The following SAA2 variants were observed in gnomAD, a reference collection of about 807,000 sequenced individuals.
SAA2 encodes the protein serum amyloid A2, also known as serum amyloid A-2 protein.
A neutral mutation model predicts 9.1 loss-of-function variants in SAA2; 5 were observed. That is an observed-to-expected ratio of 0.55 (90% CI 0.29 to 1.16). SAA2 has a LOEUF of 1.16. SAA2 is among the 50% of genes most tolerant of loss of function. SAA2 has a pLI of 0.09. For synonymous variants in SAA2, 49 were observed against 59.8 expected, an observed-to-expected ratio of 0.82 and a Z score of 0.83; for missense variants, 94 against 153.8, an observed-to-expected ratio of 0.61 and a Z score of 2.06.
downstream of SAA2, chr11:18,242,207 G>T (rs751931967): frequency 6.6e-6 from 1 of 152,166 alleles, no homozygotes; most frequent in Admixed American, 6.5e-5. Context: ...GAAGTCCCAC[G>T]ATCTGCCCTC....
At chr11:18,242,639 A>C (rs1027263589), downstream of SAA2, 4 of 593,928 alleles carry the variant, frequency 6.7e-6, no homozygotes, top group Non-Finnish European at 1.2e-5. Context: ...TGAGCCCAGG[A>C]GTTCAAGACC....
intron 3 of SAA2, 36 bp from the exon 4 acceptor site, chr11:18,245,551 C>G (rs1440678934): frequency 1.2e-6 from 2 of 1,611,922 alleles, no homozygotes; most frequent in South Asian, 2.2e-5. Flanking sequence ...GATTAATCAT[C>G]AGGCCAGTGA....
exon 4 of SAA2, chr11:18,239,934 T>C: frequency 6.5e-7 from 1 of 1,549,932 alleles, no homozygotes. Flanking sequence ...AAAAAAGGCT[T>C]CTTCCTTCAC....
In SAA2 at chr11:18,245,648, C is replaced by T. The variant is rs556303277; in HGVS notation, c.231-133G>A. 96 of 1,390,860 alleles carry T rather than the reference C, an allele frequency of 6.9e-5. No individual in the cohort carries two copies. The South Asian group carries it at 1.1e-3, about 16-fold the overall frequency. 86.2% of individuals were successfully genotyped at this position (1,390,860 alleles called of 1,614,324 possible). A position where few individuals can be genotyped will look rare whatever the true frequency, so the allele number is the denominator to read the frequency against. ...GGCCAAGGAAGGAGGAGTGAAAACA[C>T]TGACCCTGCCTGGGCACTGCCCCAT... On this transcript the variant is annotated intron_variant, in intron 3 of 3. Transcript: ENST00000256733.
chr11:18,242,865 A>G (rs757500058), downstream of SAA2: 4 of 699,522 alleles, frequency 5.7e-6, no homozygotes, highest in South Asian at 6.0e-5. Flanking sequence ...AAACAAAACA[A>G]AACACAACTA....
downstream of SAA2, chr11:18,245,141 G>A: frequency 1.2e-6 from 1 of 853,790 alleles, no homozygotes; most frequent in Admixed American, 3.0e-5. Flanking sequence ...CAAACACATA[G>A]GCCTACCTAG....
chr11:18,243,208 G>C (rs1171669481), downstream of SAA2, among the ~76,000 whole-genome samples: 3 of 151,930 alleles, frequency 2.0e-5, no homozygotes, highest in African/African-American at 7.3e-5. Context: ...ATGAATTTCT[G>C]TATCCAAATG....
chr11:18,240,654 CT>C (rs1857321697), downstream of SAA2, among the ~76,000 whole-genome samples: 1 of 151,954 alleles, frequency 6.6e-6, no homozygotes, highest in Admixed American at 6.6e-5. Context: ...ATAAACGGTG[CT>C]GATAAAAGTG....
At chr11:18,238,596 G>A (rs1045501166), downstream of SAA2, among the ~76,000 whole-genome samples, 12 of 151,988 alleles carry the variant, frequency 7.9e-5, no homozygotes, top group Admixed American at 1.3e-4. Flanking sequence ...CATGCAATGC[G>A]CAATAATCAC....
chr11:18,247,116 C>T (rs1054573753), intron 2 of SAA2, among the ~76,000 whole-genome samples: 37 of 152,396 alleles, frequency 2.4e-4, no homozygotes, highest in African/African-American at 7.9e-4. Flanking sequence ...AGCTTTCTCA[C>T]CTTCACAGAA....
At position 18,245,465 on chromosome 11, in the gene SAA2, G is replaced by A. The variant is rs149402852; in HGVS notation, c.281C>T (p.Ser94Leu). 7 of 1,614,080 alleles carry A rather than the reference G, an allele frequency of 4.3e-6. No homozygotes were observed. The highest frequency in any genetic ancestry group is 1.6e-4 in the Middle Eastern group (1 of 6,082). The stretch of plus-strand genomic sequence containing the variant: ...TTTATTGGCAGCCTGATCGGCCAGC[G>A]AGTCCTCCGCACCACGGCCTGTGAG... ...QRLTGRGAEDSLADQAANKWG... is the reference protein window; with the variant it reads ...QRLTGRGAEDLLADQAANKWG... The change falls in exon 4 of 4, where the codon TCG becomes TTG. Residue 94 changes from serine (S) to leucine (L), a missense_variant. Ser to Leu is a moderately radical substitution (Grantham distance 145). Around this residue, in one of 2 missense-constraint regions of SAA2, gnomAD observed 62 missense variants for 58.3 expected, o/e 1.06. Coordinates refer to ENST00000256733, the MANE Select transcript of SAA2 (RefSeq NM_030754.5).
downstream of SAA2, chr11:18,242,406 A>C (rs1250755717): frequency 5.4e-6 from 1 of 186,514 alleles, no homozygotes; most frequent in Non-Finnish European, 1.1e-5. Context: ...TCAAGCCTTC[A>C]ACAGATTGGG....
chr11:18,239,538 T>C (rs2134131724), exon 4 of SAA2: 1 of 397,798 alleles, frequency 2.5e-6, no homozygotes, highest in Non-Finnish European at 4.4e-6. Context: ...CCAGACCTTC[T>C]CCTGCAACCA....
chr11:18,243,819 G>A (rs980558362), downstream of SAA2, among the ~76,000 whole-genome samples: 1 of 152,136 alleles, frequency 6.6e-6, no homozygotes, highest in Non-Finnish European at 1.5e-5. Flanking sequence ...AAAGGGGTAT[G>A]CCAGTTATCA....
chr11:18,241,611 T>C (rs962309786), downstream of SAA2, among the ~76,000 whole-genome samples: 3 of 152,144 alleles, frequency 2.0e-5, no homozygotes, highest in African/African-American at 7.2e-5. Context: ...TGCTGCAACA[T>C]AGATAGAACT....
At chr11:18,240,427 C>A, downstream of SAA2, 1 of 634,504 alleles carries the variant, frequency 1.6e-6, no homozygotes, top group South Asian at 1.9e-5. Flanking sequence ...TTAAAATAAT[C>A]AGCCTACCAG....
chr11:18,247,161 G>A (rs2445144), intron 2 of SAA2, among the ~76,000 whole-genome samples: 36 of 152,306 alleles, frequency 2.4e-4, no homozygotes, highest in Admixed American at 6.5e-4. Flanking sequence ...TCTGAAACTA[G>A]ATGAGAAAAT....
downstream of SAA2, among the ~76,000 whole-genome samples, chr11:18,241,852 T>C (rs1475961208): frequency 1.3e-5 from 2 of 152,160 alleles, no homozygotes; most frequent in Non-Finnish European, 2.9e-5. Flanking sequence ...TTCACCATTA[T>C]GCAATCTATC....
chr11:18,247,979 G>T lies in SAA2; in HGVS notation c.33C>A (p.Ser11=). The change falls in exon 2 of 4, where the codon TCC becomes TCA. Residue 11 remains serine, a synonymous_variant. Coordinates refer to ENST00000256733, the MANE Select transcript of SAA2 (RefSeq NM_030754.5). Reference sequence around the variant, plus strand: ...TTCGGCTGCTGACACTCAGGACCAAGGAGCAGAAAACCAGGCCCGTGAGAA... The same window carrying T: ...TTCGGCTGCTGACACTCAGGACCAATGAGCAGAAAACCAGGCCCGTGAGAA... MKLLTGLVFC[S]LVLSVSSRSF... is the part of the protein sequence containing the mutation. 6.2e-7 allele frequency: 1 copy of T among 1,613,576 alleles called. No individual in the cohort carries two copies. Among genetic ancestry groups the T allele is most frequent in the Non-Finnish European group, 8.5e-7 (1 of 1,179,808 alleles).
Sources: gnomAD v4.1 joint callset for allele counts (sites outside exome capture counted in the v4.1 genomes callset) on GRCh38, gnomAD v4.1.1 for gene constraint, gnomAD v4.1.1 regional missense constraint, MANE v1.5 for transcripts, NCBI Gene and HGNC (gene_info 2026-07-23, HGNC 2026-07-21) for gene names.